The following DOCK8 variants were observed in gnomAD, a reference collection of about 807,000 sequenced individuals.
The protein encoded by DOCK8 is dedicator of cytokinesis protein 8.
A neutral mutation model predicts 245.6 loss-of-function variants in DOCK8; 141 were observed. The observed-to-expected ratio is 0.57, with a 90% CI of 0.50 to 0.66. DOCK8 has a LOEUF of 0.66. DOCK8 is among the 30% of genes least tolerant of loss of function. The pLI, the probability that DOCK8 is intolerant of heterozygous loss-of-function variation, is 0.00. For missense variants in DOCK8, 2,965 were observed against 2,603.4 expected (o/e 1.14, Z -3.02); for synonymous variants, 1,168 against 970.2 (o/e 1.20, Z -3.79).
At chr9:312,462 T>G (rs886521395) in intron 6 of DOCK8, 1 of 530,342 alleles carries the variant, frequency 1.9e-6, no homozygotes, top group African/African-American at 1.9e-5. Flanking sequence ...GGTCTACATG[T>G]AGTAATCACA....
intron 5 of DOCK8, 140 bp from the exon 6 acceptor site, chr9:311,814 C>T (rs62533403): frequency 1.8e-5 from 18 of 1,015,140 alleles, no homozygotes; most frequent in Admixed American, 5.1e-5. Flanking sequence ...TTATCAAATC[C>T]GCAGTTTCTT....
At chr9:278,324 C>G (rs1440473877) in intron 2 of DOCK8, among the ~76,000 whole-genome samples, 1 of 152,238 alleles carries the variant, frequency 6.6e-6, no homozygotes, top group African/African-American at 2.4e-5. Context: ...TTCGATATCA[C>G]AGAAGCTAGA....
In DOCK8 at chr9:386,186, A is replaced by G. The variant is rs561523267; in HGVS notation, c.2779-145A>G. Reference sequence around the variant, plus strand: ...AACTTCACTGTCTTTGCTTTGTTTTATATTTACTTATGGCAATTGTTTTAC... The same window carrying G: ...AACTTCACTGTCTTTGCTTTGTTTTGTATTTACTTATGGCAATTGTTTTAC... On this transcript the variant is annotated intron_variant, in intron 22 of 47. Coordinates refer to ENST00000432829, the MANE Select transcript of DOCK8 (RefSeq NM_203447.4). The G allele has an allele frequency of 4.6e-4, 318 of 688,410 alleles. 2 individuals carry two copies. The South Asian group carries it at 4.7e-3, about 10-fold the overall frequency. The allele number at this position is 688,410 out of a possible 1,614,324, so 42.6% of individuals were successfully genotyped here.
At chr9:277,742 C>T (rs1586576121) in intron 2 of DOCK8, among the ~76,000 whole-genome samples, 5 of 152,132 alleles carry the variant, frequency 3.3e-5, no homozygotes, top group East Asian at 3.9e-4. Context: ...TGGACCATAA[C>T]GGCTCTGACT....
At position 390,585 on chromosome 9, in the gene DOCK8, T is replaced by C. The variant is rs746762012; in HGVS notation, c.2970+19T>C. On this transcript the variant is annotated intron_variant, in intron 24 of 47. Transcript: ENST00000432829. ...GCTTCTGGTGAGATTCTTGCGCGTT[T>C]GTATCTGTGCTCAATAGGCCAAGAG... is the stretch of plus-strand genomic sequence containing the variant. 11 of 1,609,376 alleles carry C rather than the reference T, an allele frequency of 6.8e-6. No homozygotes were observed. Among genetic ancestry groups the C allele is most frequent in the Middle Eastern group, 1.6e-4 (1 of 6,076 alleles).
At position 241,240 on chromosome 9, in the gene DOCK8, A is replaced by G. The variant is rs537631379; in HGVS notation, c.53+26211A>G. Among the ~76,000 whole-genome samples, 85 of 152,244 alleles carry G rather than the reference A, an allele frequency of 5.6e-4. 1 individual carries two copies. The highest frequency in any genetic ancestry group is 2.0e-3 in the African/African-American group (82 of 41,542). On this transcript the variant is annotated intron_variant, in intron 1 of 47. Transcript: ENST00000432829. ...CATTTCTTTGTATTGGGCATGTTCA[A>G]TATCCTCCCTTTAAGTATTTGAAAC...
intron 13 of DOCK8, 29 bp from the exon 14 acceptor site, chr9:340,130 A>T (rs1451890396): frequency 6.2e-7 from 1 of 1,610,438 alleles, no homozygotes; most frequent in African/African-American, 1.3e-5. Context: ...CAGTTTCTTT[A>T]CTAGAACATT....
At chr9:271,795 G>C in intron 2 of DOCK8, 66 bp downstream of exon 2, 1 of 1,110,004 alleles carries the variant, frequency 9.0e-7, no homozygotes, top group Admixed American at 2.1e-5. Context: ...GTATGTGTTT[G>C]CCTCCTGTTC....
intron 44 of DOCK8, among the ~76,000 whole-genome samples, chr9:448,706 C>T (rs912896511): frequency 1.3e-5 from 2 of 152,138 alleles, no homozygotes; most frequent in Admixed American, 6.6e-5. Context: ...TTCCTCTTCT[C>T]GTAAGGACAC....
At chr9:400,045 TCCACCATCACCACC>T (rs2054715038) in intron 26 of DOCK8, among the ~76,000 whole-genome samples, 4 of 46,876 alleles carry the variant, frequency 8.5e-5, no homozygotes. Flanking sequence ...CACCACCACC[TCCACCATCACCACC>T]TCCTTCACCA....
At chr9:262,617 C>G (rs785843) in intron 1 of DOCK8, among the ~76,000 whole-genome samples, 57 of 150,564 alleles carry the variant, frequency 3.8e-4, no homozygotes, top group African/African-American at 1.4e-3. Flanking sequence ...GTAAAATTCT[C>G]GAAAATGCAA....
chr9:274,899 A>C (rs1336565), intron 2 of DOCK8, among the ~76,000 whole-genome samples: 2,851 of 152,324 alleles, frequency 0.019, 37 homozygotes, highest in Non-Finnish European at 0.029. Context: ...CCACCATTTC[A>C]ATGGCCCACT....
intron 1 of DOCK8, among the ~76,000 whole-genome samples, chr9:217,974 A>C (rs1259100679): frequency 6.6e-6 from 1 of 152,210 alleles, no homozygotes; most frequent in Non-Finnish European, 1.5e-5. Flanking sequence ...CCTTTAAAGC[A>C]AGAGGGGAAT....
intron 1 of DOCK8, among the ~76,000 whole-genome samples, chr9:246,027 C>G (rs1422499255): frequency 6.6e-6 from 1 of 152,120 alleles, no homozygotes; most frequent in Non-Finnish European, 1.5e-5. Context: ...CTAGACCAAC[C>G]TGGGCAACAT....
chr9:450,414 A>G (rs1388716608), intron 45 of DOCK8, among the ~76,000 whole-genome samples: 1 of 152,128 alleles, frequency 6.6e-6, no homozygotes, highest in Non-Finnish European at 1.5e-5. Flanking sequence ...CTGGGACCTG[A>G]CTTCTTAGGC....
intron 14 of DOCK8, among the ~76,000 whole-genome samples, chr9:342,840 C>T (rs772792991): frequency 3.9e-5 from 6 of 152,200 alleles, no homozygotes; most frequent in South Asian, 4.2e-4. Flanking sequence ...CTTGTTGATA[C>T]GCATTTAAGT....
intron 1 of DOCK8, among the ~76,000 whole-genome samples, chr9:251,758 G>A (rs544730247): frequency 1.6e-4 from 25 of 152,192 alleles, no homozygotes; most frequent in African/African-American, 6.0e-4. Context: ...ATGGGCTAAC[G>A]ATCAGACAGA....
At chr9:369,677 G>A (rs1287955942) in intron 15 of DOCK8, 1 of 163,250 alleles carries the variant, frequency 6.1e-6, no homozygotes, top group African/African-American at 2.4e-5. Context: ...AGAGTGGAGA[G>A]AGTACTGGTT....
intron 14 of DOCK8, among the ~76,000 whole-genome samples, chr9:346,143 A>T (rs1050835592): frequency 1.3e-5 from 2 of 152,008 alleles, no homozygotes; most frequent in Non-Finnish European, 2.9e-5. Context: ...AGCAATTCTG[A>T]AAGCAGAGCA....
Sources: gnomAD v4.1 joint callset for allele counts (sites outside exome capture counted in the v4.1 genomes callset) on GRCh38, gnomAD v4.1.1 for gene constraint, MANE v1.5 for transcripts, NCBI Gene and HGNC (gene_info 2026-07-23, HGNC 2026-07-21) for gene names.